Variants in WWOX observed in about 807,000 individuals in gnomAD.
The protein encoded by WWOX is WW domain-containing oxidoreductase.
WWOX carries 69 observed loss-of-function variants against 46.2 expected under a neutral mutation model. The ratio of observed to expected loss-of-function variants is 1.49; its 90% CI spans 1.23 to 1.82. The LOEUF (loss-of-function observed/expected upper bound fraction) is 1.82. WWOX is among the 40% of genes most tolerant of loss of function. The pLI, the probability that WWOX is intolerant of heterozygous loss-of-function variation, is 0.00. For synonymous variants in WWOX, 359 were observed against 202.6 expected, an observed-to-expected ratio of 1.77 and a Z score of -6.56; for missense variants, 919 against 542.6, an observed-to-expected ratio of 1.69 and a Z score of -6.89.
intron 5 of WWOX, among the ~76,000 whole-genome samples, chr16:78,228,585 T>G (rs2037148082): frequency 6.6e-6 from 1 of 152,110 alleles, no homozygotes; most frequent in African/African-American, 2.4e-5. Flanking sequence ...CAAGCGATCC[T>G]CCCACCTTGG....
chr16:78,361,288 C>T (rs2081405264), intron 5 of WWOX, among the ~76,000 whole-genome samples: 1 of 152,276 alleles, frequency 6.6e-6, no homozygotes, highest in East Asian at 1.9e-4. Context: ...TCAGGTAGAA[C>T]ATAATGTTGA....
At chr16:78,300,550 C>G (rs1018509858) in intron 5 of WWOX, among the ~76,000 whole-genome samples, 3 of 151,512 alleles carry the variant, frequency 2.0e-5, no homozygotes, top group African/African-American at 7.3e-5. Context: ...CTGTCTCCTT[C>G]TCTCCCTCCC....
chr16:78,529,343 G>A (rs966548127), intron 8 of WWOX, among the ~76,000 whole-genome samples: 1 of 152,146 alleles, frequency 6.6e-6, no homozygotes, highest in Non-Finnish European at 1.5e-5. Flanking sequence ...CCTCATAGAA[G>A]TGAGCCCTCT....
At chr16:78,131,820 G>A (rs537351411) in intron 4 of WWOX, among the ~76,000 whole-genome samples, 30 of 151,454 alleles carry the variant, frequency 2.0e-4, no homozygotes, top group African/African-American at 6.8e-4. Flanking sequence ...TCCTGACCTC[G>A]TGATCCTCCT....
At chr16:78,364,735 G>T (rs574102243) in intron 5 of WWOX, among the ~76,000 whole-genome samples, 20 of 152,284 alleles carry the variant, frequency 1.3e-4, no homozygotes, top group Non-Finnish European at 2.6e-4. Flanking sequence ...ATCTGTTAGT[G>T]TTTGAAGGAT....
chr16:78,658,486 C>A (rs1279899190), intron 8 of WWOX, among the ~76,000 whole-genome samples: 1 of 152,144 alleles, frequency 6.6e-6, no homozygotes, highest in East Asian at 1.9e-4. Context: ...TTTATTCTCT[C>A]ACAGTTTTGG....
chr16:78,893,038 C>T (rs539548767), intron 8 of WWOX, among the ~76,000 whole-genome samples: 3 of 152,128 alleles, frequency 2.0e-5, no homozygotes, highest in Non-Finnish European at 2.9e-5. Context: ...AGCAGGGGTC[C>T]TCAAAGCAGA....
At chr16:78,161,106 G>T (rs562677009) in intron 4 of WWOX, among the ~76,000 whole-genome samples, 108 of 149,790 alleles carry the variant, frequency 7.2e-4, no homozygotes, top group African/African-American at 2.5e-3. Context: ...GATTTCTTTT[G>T]GCCCGTGTTA....
intron 4 of WWOX, among the ~76,000 whole-genome samples, chr16:78,125,932 A>G (rs2033341023): frequency 6.6e-6 from 1 of 152,162 alleles, no homozygotes; most frequent in Admixed American, 6.5e-5. Context: ...AAATTTAGAA[A>G]GCGAAGAAAA....
In WWOX at chr16:79,177,038, G is replaced by A. The variant is rs568679794; in HGVS notation, c.1057-34570G>A. 5.5e-4 allele frequency among the ~76,000 whole-genome samples: 83 copies of A among 152,090 alleles called. 1 individual carries two copies. In the South Asian group the frequency reaches 0.016, roughly 30 times the overall value. On this transcript the variant is annotated intron_variant, in intron 8 of 8. Transcript: ENST00000566780. ...TAGCATATGTTGCTTTTATTAGGTGGGCATAATTGCATTCATGGGATCACC... is the reference window on the plus strand; with the variant it reads ...TAGCATATGTTGCTTTTATTAGGTGAGCATAATTGCATTCATGGGATCACC...
intron 8 of WWOX, among the ~76,000 whole-genome samples, chr16:78,824,110 A>G (rs1304597231): frequency 1.3e-5 from 2 of 152,034 alleles, no homozygotes; most frequent in African/African-American, 4.8e-5. Context: ...CTTTTTATTG[A>G]TTGAAACCTT....
At chr16:78,933,115 C>A (rs1452976644) in intron 8 of WWOX, among the ~76,000 whole-genome samples, 1 of 152,188 alleles carries the variant, frequency 6.6e-6, no homozygotes. Context: ...CACCATCTCC[C>A]ATAGGAGACT....
intron 8 of WWOX, among the ~76,000 whole-genome samples, chr16:78,696,341 G>C (rs1474532921): frequency 1.3e-5 from 2 of 152,184 alleles, no homozygotes; most frequent in African/African-American, 4.8e-5. Context: ...GTACCAGGCA[G>C]GGTCCTAAGT....
At chr16:78,354,821 A>T (rs1038766032) in intron 5 of WWOX, among the ~76,000 whole-genome samples, 2 of 152,010 alleles carry the variant, frequency 1.3e-5, no homozygotes, top group Admixed American at 6.6e-5. Context: ...TTTTGATTAA[A>T]TTTTCATATA....
At chr16:79,042,610 T>C (rs188698920) in intron 8 of WWOX, among the ~76,000 whole-genome samples, 12 of 152,294 alleles carry the variant, frequency 7.9e-5, no homozygotes, top group Admixed American at 2.0e-4. Flanking sequence ...AAATTAACTA[T>C]ACATGCAAGC....
At chr16:78,778,044 GAAA>G (rs11309867) in intron 8 of WWOX, among the ~76,000 whole-genome samples, 126 of 99,728 alleles carry the variant, frequency 1.3e-3, no homozygotes, top group African/African-American at 3.8e-3. Flanking sequence ...GACTCCATCT[GAAA>G]AAAAAAAAAA....
At chr16:79,211,080 T>C (rs1162550802) in intron 8 of WWOX, among the ~76,000 whole-genome samples, 1 of 143,588 alleles carries the variant, frequency 7.0e-6, no homozygotes, top group South Asian at 2.2e-4. Context: ...TAACACAACA[T>C]TGCCAACCCT....
chr16:78,491,594 C>A, intron 8 of WWOX, among the ~76,000 whole-genome samples: 1 of 152,104 alleles, frequency 6.6e-6, no homozygotes, highest in Admixed American at 6.6e-5. Context: ...TCCTGAGTAG[C>A]TGGGACTACA....
intron 8 of WWOX, among the ~76,000 whole-genome samples, chr16:79,092,748 T>C (rs1486887086): frequency 2.0e-5 from 3 of 152,142 alleles, no homozygotes; most frequent in African/African-American, 7.2e-5. Flanking sequence ...TTTTTGGAGA[T>C]CTCTCTGGAA....
Sources: gnomAD v4.1 joint callset for allele counts (sites outside exome capture counted in the v4.1 genomes callset) on GRCh38, gnomAD v4.1.1 for gene constraint, MANE v1.5 for transcripts, NCBI Gene and HGNC (gene_info 2026-07-23, HGNC 2026-07-21) for gene names.